PARVB: variants seen among roughly 807,000 people sequenced by gnomAD.
The protein encoded by PARVB is parvin beta, also known as beta-parvin.
In PARVB, 46 loss-of-function variants were observed where a neutral mutation model predicts 47.0. That is an observed-to-expected ratio of 0.98 (90% CI 0.77 to 1.25). The LOEUF (loss-of-function observed/expected upper bound fraction) is 1.25, where lower values mean the gene tolerates loss of function less well. Among genes scored for constraint, PARVB ranks in the 50% most tolerant of loss-of-function variants. The pLI is 0.00. For synonymous variants in PARVB, 196 were observed against 196.3 expected, an observed-to-expected ratio of 1.00 and a Z score of 0.01; for missense variants, 473 against 471.6, an observed-to-expected ratio of 1.00 and a Z score of -0.03.
chr22:44,014,202 C>G (rs2050553988), intron 2 of PARVB, among the ~76,000 whole-genome samples: 1 of 152,254 alleles, frequency 6.6e-6, no homozygotes, highest in Non-Finnish European at 1.5e-5. Flanking sequence ...GTCCCTCTTT[C>G]TGCAGGCCCA....
intron 10 of PARVB, 125 bp downstream of exon 10, chr22:44,151,676 G>A (rs1391837334): frequency 1.8e-5 from 13 of 737,834 alleles, no homozygotes; most frequent in South Asian, 7.5e-5. Context: ...AACTCCCGTG[G>A]TGCAGGCAGA....
At chr22:44,156,669 G>T (rs2053942240) in intron 10 of PARVB, among the ~76,000 whole-genome samples, 1 of 152,192 alleles carries the variant, frequency 6.6e-6, no homozygotes, top group African/African-American at 2.4e-5. Flanking sequence ...GATTGAACTG[G>T]ACAGTTAAAA....
chr22:44,068,302 C>T lies in PARVB; in HGVS notation c.113-25626C>T, dbSNP rs890297387. Among the ~76,000 whole-genome samples the T allele has an allele frequency of 7.9e-5, 12 of 152,232 alleles. No homozygotes were observed. Among genetic ancestry groups the T allele is most frequent in the African/African-American group, 2.2e-4 (9 of 41,538 alleles). ...GTCATTGTTAATAACCCCTTTTTAC[C>T]GACGAGGAACCCAGACCAGACAGAG... On this transcript the variant is annotated intron_variant, in intron 1 of 12. Transcript: ENST00000338758. The surrounding 1 kb of genome is among the most constrained non-coding windows in gnomAD (Gnocchi z 4.1).
In PARVB at chr22:44,125,388, G is replaced by T. The variant is rs901260953; in HGVS notation, c.377-6099G>T. Reference sequence around the variant, plus strand: ...AAGAGAAGTATTATGGGGTGGAGTGGTTCAACCTGAAACCTAGATGATGTT... The same window carrying T: ...AAGAGAAGTATTATGGGGTGGAGTGTTTCAACCTGAAACCTAGATGATGTT... On this transcript the variant is annotated intron_variant, in intron 4 of 12. Coordinates refer to ENST00000338758, the MANE Select transcript of PARVB (RefSeq NM_013327.5). The surrounding 1 kb of genome is among the most constrained non-coding windows in gnomAD (Gnocchi z 4.1). 7.9e-5 allele frequency among the ~76,000 whole-genome samples: 12 copies of T among 152,270 alleles called. No homozygotes were observed. Among genetic ancestry groups the T allele is most frequent in the Admixed American group, 7.8e-4 (12 of 15,300 alleles).
chr22:44,111,111 T>C (rs1379282937), intron 3 of PARVB: 1 of 152,186 alleles, frequency 6.6e-6, no homozygotes, highest in South Asian at 2.1e-4. Context: ...TTTTTCATTT[T>C]TCCTACACAA....
intron 1 of PARVB, among the ~76,000 whole-genome samples, chr22:44,093,173 G>T (rs2052213908): frequency 1.3e-5 from 2 of 152,220 alleles, no homozygotes; most frequent in South Asian, 4.1e-4. Flanking sequence ...TTGGCACCTG[G>T]TGTCTGTGTG....
chr22:44,126,651 G>T (rs1221709517), intron 4 of PARVB, among the ~76,000 whole-genome samples: 2 of 152,182 alleles, frequency 1.3e-5, no homozygotes, highest in Non-Finnish European at 2.9e-5. Context: ...GCTGTTGCTG[G>T]TGATGGCCCT....
intron 3 of PARVB, among the ~76,000 whole-genome samples, chr22:44,102,005 A>G (rs1264486373): frequency 6.6e-6 from 1 of 152,206 alleles, no homozygotes; most frequent in Non-Finnish European, 1.5e-5. Context: ...AATTGTGTCA[A>G]TATCTAGAGA....
intron 6 of PARVB, among the ~76,000 whole-genome samples, chr22:44,136,233 G>A (rs1025080410): frequency 1.3e-5 from 2 of 152,170 alleles, no homozygotes; most frequent in African/African-American, 4.8e-5. Context: ...GAGACCAGAG[G>A]GTGGGGAGGA....
chr22:44,045,029 G>A (rs957994555), intron 1 of PARVB, among the ~76,000 whole-genome samples: 7 of 152,070 alleles, frequency 4.6e-5, no homozygotes, highest in African/African-American at 9.6e-5. Context: ...GCTTGAGCCC[G>A]GTGGTTTGAG....
chr22:44,085,395 C>T (rs1208644964), intron 1 of PARVB, among the ~76,000 whole-genome samples: 3 of 152,212 alleles, frequency 2.0e-5, no homozygotes, highest in East Asian at 1.9e-4. Context: ...CTGCAACCTC[C>T]GCTTCTCGGC....
intron 1 of PARVB, among the ~76,000 whole-genome samples, chr22:44,076,591 A>G (rs987084842): frequency 3.3e-5 from 5 of 152,176 alleles, no homozygotes; most frequent in Non-Finnish European, 1.5e-5. Context: ...TTGAAGGGCA[A>G]TGGCAGGAGC....
At chr22:44,023,527 TAAAACAAAAC>T (rs1017139457), upstream of PARVB, among the ~76,000 whole-genome samples, 1 of 93,254 alleles carries the variant, frequency 1.1e-5, no homozygotes, top group African/African-American at 5.1e-5. Context: ...TAAAATAAAA[TAAAACAAAAC>T]AAAATAAAAT....
At chr22:44,164,616 T>C (rs367965498) in intron 12 of PARVB, among the ~76,000 whole-genome samples, 4 of 152,136 alleles carry the variant, frequency 2.6e-5, no homozygotes, top group East Asian at 3.9e-4. Flanking sequence ...AAGACATCTG[T>C]TTGCCTCCAT....
At chr22:44,143,574 C>T (rs1390447999) in intron 8 of PARVB, 1 of 152,240 alleles carries the variant, frequency 6.6e-6, no homozygotes, top group Non-Finnish European at 1.5e-5. Context: ...GCCTCAGTTT[C>T]CCCACGAGTA....
At position 44,068,212 on chromosome 22, in the gene PARVB, A is replaced by G. The variant is rs1476882355; in HGVS notation, c.113-25716A>G. Among the ~76,000 whole-genome samples the G allele has an allele frequency of 6.6e-6, 1 of 152,138 alleles. No homozygotes were observed. Among genetic ancestry groups the G allele is most frequent in the Non-Finnish European group, 1.5e-5 (1 of 68,016 alleles). ...TGGTAATTGGAATAAATAAAAGCTA[A>G]TCGTGCTTCCTGGATGCCAGGAACC... On this transcript the variant is annotated intron_variant, in intron 1 of 12. Coordinates refer to ENST00000338758, the MANE Select transcript of PARVB (RefSeq NM_013327.5). This position sits in a 1 kb window ranked among gnomAD's most constrained non-coding sequence, Gnocchi z 4.1.
chr22:44,151,642 C>T (rs571570048), intron 10 of PARVB, 91 bp downstream of exon 10: 65 of 1,016,166 alleles, frequency 6.4e-5, no homozygotes, highest in Admixed American at 1.0e-4. Context: ...ACAAAGCTGG[C>T]GCCATTTTGT....
At chr22:44,094,084 G>T in intron 2 of PARVB, 67 bp downstream of exon 2, 1 of 935,170 alleles carries the variant, frequency 1.1e-6, no homozygotes. Flanking sequence ...TTGGTCTTGG[G>T]GAGGCCAATG....
At chr22:44,056,698 G>T (rs947241924) in intron 1 of PARVB, among the ~76,000 whole-genome samples, 1 of 151,504 alleles carries the variant, frequency 6.6e-6, no homozygotes, top group Non-Finnish European at 1.5e-5. Flanking sequence ...TTGAGATGGG[G>T]TTTCACTATG....
Sources: allele counts gnomAD v4.1 joint callset (sites outside exome capture counted in the v4.1 genomes callset), GRCh38; gene constraint gnomAD v4.1.1; non-coding constraint Gnocchi (gnomAD v3.1); transcripts MANE v1.5; gene names NCBI Gene and HGNC (gene_info 2026-07-23, HGNC 2026-07-21).